Variants in CAP2 observed in about 807,000 individuals in gnomAD.
CAP2 encodes the protein adenylyl cyclase-associated protein 2.
CAP2 carries 24 observed loss-of-function variants against 57.7 expected under a neutral mutation model. That is an observed-to-expected ratio of 0.42 (90% CI 0.30 to 0.58). The LOEUF (loss-of-function observed/expected upper bound fraction) is 0.58, where lower values mean the gene tolerates loss of function less well. Among genes scored for constraint, CAP2 ranks in the 20% least tolerant of loss-of-function variants. CAP2 has a pLI of 0.22. For missense variants in CAP2, 501 were observed against 590.3 expected, an observed-to-expected ratio of 0.85 and a Z score of 1.57; for synonymous variants, 194 against 207.2, an observed-to-expected ratio of 0.94 and a Z score of 0.55.
chr6:17,403,728 G>C (rs754877972), intron 1 of CAP2, among the ~76,000 whole-genome samples: 2 of 152,174 alleles, frequency 1.3e-5, no homozygotes, highest in Non-Finnish European at 2.9e-5. Context: ...ATAAACTTCT[G>C]TAGGGCAAGA....
rs1759596672 is a variant in CAP2 at position 17,426,575 on chromosome 6, G to C, written c.122-15G>C. ...TTCAACGGCCAGGGAATAACAAACT[G>C]CTCCTTTCCCCAAGGTGTGGCACCC... is the stretch of plus-strand genomic sequence containing the variant. On this transcript the variant is annotated splice_polypyrimidine_tract_variant and intron_variant, in intron 2 of 12. Coordinates refer to ENST00000229922, the MANE Select transcript of CAP2 (RefSeq NM_006366.3). The C allele has an allele frequency of 1.3e-6, 2 of 1,594,402 alleles. No individual in the cohort carries two copies. The highest frequency in any genetic ancestry group is 1.7e-6 in the Non-Finnish European group (2 of 1,162,246).
chr6:17,433,517 A>G lies in CAP2; in HGVS notation c.222+6827A>G, dbSNP rs137938120. ...AGGATAGGTCTCCATGACCAGGCTT[A>G]GGCCCAGGGCAGAGGAGAGGGTGGA... On this transcript the variant is annotated intron_variant, in intron 3 of 12. Transcript: ENST00000229922. Among the ~76,000 whole-genome samples, 374 of 152,312 alleles carry G rather than the reference A, an allele frequency of 2.5e-3. 2 individuals carry two copies. The highest frequency in any genetic ancestry group is 8.7e-3 in the African/African-American group (362 of 41,566).
chr6:17,500,857 A>G (rs1184223997), intron 4 of CAP2, among the ~76,000 whole-genome samples: 1 of 152,244 alleles, frequency 6.6e-6, no homozygotes, highest in Non-Finnish European at 1.5e-5. Context: ...ACTCACACAC[A>G]TACACACATG....
At chr6:17,489,959 T>C (rs1761507494) in intron 4 of CAP2, among the ~76,000 whole-genome samples, 1 of 152,116 alleles carries the variant, frequency 6.6e-6, no homozygotes, top group African/African-American at 2.4e-5. Flanking sequence ...TTTTGGCATT[T>C]GGTGGGCAGA....
intron 3 of CAP2, among the ~76,000 whole-genome samples, chr6:17,439,135 A>G (rs1444539615): frequency 6.6e-6 from 1 of 151,186 alleles, no homozygotes; most frequent in Admixed American, 6.6e-5. Context: ...AGAGAGAAAA[A>G]AGAGAGAGAG....
intron 3 of CAP2, among the ~76,000 whole-genome samples, chr6:17,430,752 T>C (rs1426195289): frequency 6.6e-6 from 1 of 152,144 alleles, no homozygotes; most frequent in African/African-American, 2.4e-5. Flanking sequence ...TTGGCCAGGC[T>C]GGTCTTGAAC....
At chr6:17,441,843 A>C (rs1760084255) in intron 3 of CAP2, among the ~76,000 whole-genome samples, 1 of 152,212 alleles carries the variant, frequency 6.6e-6, no homozygotes, top group South Asian at 2.1e-4. Context: ...ACAGATTTGA[A>C]ATGTGTAACT....
chr6:17,519,259 C>A (rs1040006075), intron 7 of CAP2, among the ~76,000 whole-genome samples: 18 of 152,086 alleles, frequency 1.2e-4, no homozygotes, highest in African/African-American at 4.1e-4. Flanking sequence ...TGTCAGGCAA[C>A]TGCTGCCCTG....
intron 4 of CAP2, among the ~76,000 whole-genome samples, chr6:17,488,188 A>G (rs1341945061): frequency 6.6e-6 from 1 of 152,182 alleles, no homozygotes; most frequent in East Asian, 1.9e-4. Context: ...GATTACAGGC[A>G]TGAGCCACCA....
At chr6:17,485,005 T>C (rs1181279833) in intron 4 of CAP2, among the ~76,000 whole-genome samples, 1 of 152,194 alleles carries the variant, frequency 6.6e-6, no homozygotes, top group Non-Finnish European at 1.5e-5. Context: ...ACTCAAACAC[T>C]ATTGTCCGAT....
At chr6:17,518,917 C>T (rs553949532) in intron 7 of CAP2, among the ~76,000 whole-genome samples, 28 of 152,242 alleles carry the variant, frequency 1.8e-4, no homozygotes, top group African/African-American at 6.7e-4. Flanking sequence ...GGATTACAGG[C>T]GTGAGCCACC....
intron 11 of CAP2, among the ~76,000 whole-genome samples, chr6:17,547,652 T>G (rs192197390): frequency 8.9e-4 from 135 of 152,016 alleles, no homozygotes; most frequent in East Asian, 4.7e-3. Context: ...CCATCCTGGC[T>G]AACACAGTGA....
intron 7 of CAP2, among the ~76,000 whole-genome samples, chr6:17,515,428 C>T (rs944246154): frequency 2.0e-5 from 3 of 151,926 alleles, no homozygotes; most frequent in South Asian, 2.1e-4. Flanking sequence ...GACATAAAGA[C>T]GGGAAAAACA....
chr6:17,439,256 T>G (rs1759999371), intron 3 of CAP2, among the ~76,000 whole-genome samples: 1 of 21,036 alleles, frequency 4.8e-5, no homozygotes, highest in Non-Finnish European at 7.8e-5. Flanking sequence ...GATCCAACTG[T>G]TTTTTTTTTT....
intron 3 of CAP2, 72 bp downstream of exon 3, chr6:17,426,762 G>T: frequency 1.1e-6 from 1 of 950,842 alleles, no homozygotes. Context: ...AACGCTAACA[G>T]CCTGAGGAGA....
At chr6:17,484,484 A>C (rs2113626767) in intron 4 of CAP2, among the ~76,000 whole-genome samples, 1 of 152,350 alleles carries the variant, frequency 6.6e-6, no homozygotes, top group South Asian at 2.1e-4. Flanking sequence ...TTAACAAAAA[A>C]ATACATCTGT....
intron 11 of CAP2, among the ~76,000 whole-genome samples, chr6:17,546,382 G>C (rs1196484625): frequency 6.6e-6 from 1 of 152,100 alleles, no homozygotes; most frequent in Admixed American, 6.6e-5. Flanking sequence ...CCCACTTTTT[G>C]ATGGGGTTGT....
chr6:17,423,963 C>A (rs1759510971), intron 2 of CAP2, among the ~76,000 whole-genome samples: 1 of 152,176 alleles, frequency 6.6e-6, no homozygotes, highest in Admixed American at 6.5e-5. Flanking sequence ...ATTTCCATTT[C>A]TTCTTAATTA....
At chr6:17,536,660 C>G (rs1254936768) in intron 7 of CAP2, among the ~76,000 whole-genome samples, 2 of 152,178 alleles carry the variant, frequency 1.3e-5, no homozygotes, top group Admixed American at 6.5e-5. Flanking sequence ...AGGGAACCAT[C>G]TAAATCATTT....
Sources: gnomAD v4.1 joint callset for allele counts (sites outside exome capture counted in the v4.1 genomes callset) on GRCh38, gnomAD v4.1.1 for gene constraint, MANE v1.5 for transcripts, NCBI Gene and HGNC (gene_info 2026-07-23, HGNC 2026-07-21) for gene names.